Variants in SPOCK1 observed in about 807,000 individuals in gnomAD.
The protein encoded by SPOCK1 is SPARC (osteonectin), cwcv and kazal like domains proteoglycan 1, also known as testican-1.
A neutral mutation model predicts 55.3 loss-of-function variants in SPOCK1; 23 were observed. The ratio of observed to expected loss-of-function variants is 0.42; its 90% CI spans 0.30 to 0.59. The LOEUF is 0.59. SPOCK1 is among the 20% of genes least tolerant of loss of function. The probability of loss-of-function intolerance (pLI) is 0.22; values close to 1 mark genes in which losing one functional copy is unlikely to be tolerated. For synonymous variants in SPOCK1, 226 were observed against 221.0 expected (o/e 1.02, Z -0.20); for missense variants, 499 against 552.5 (o/e 0.90, Z 0.97).
chr5:137,350,552 G>A lies in SPOCK1; in HGVS notation c.187-83497C>T, dbSNP rs1334206025. Among the ~76,000 whole-genome samples the A allele has an allele frequency of 2.0e-5, 3 of 152,108 alleles. No homozygotes were observed. The South Asian group carries it at 6.2e-4, about 32-fold the overall frequency. ...ATGTCTGGCACCTGTAGGAGTGAGT[G>A]CAGGGGAAATGTCTAGAAGGCTGGA... On this transcript the variant is annotated intron_variant, in intron 2 of 10. Coordinates refer to ENST00000394945, the MANE Select transcript of SPOCK1 (RefSeq NM_004598.4).
At chr5:137,120,583 G>A (rs1753666880) in intron 4 of SPOCK1, among the ~76,000 whole-genome samples, 1 of 152,122 alleles carries the variant, frequency 6.6e-6, no homozygotes, top group African/African-American at 2.4e-5. Flanking sequence ...TGCATGAGTA[G>A]GTGCAAATAA....
intron 2 of SPOCK1, among the ~76,000 whole-genome samples, chr5:137,470,317 A>G (rs547849138): frequency 1.3e-5 from 2 of 152,340 alleles, no homozygotes; most frequent in Admixed American, 6.5e-5. Flanking sequence ...TTTAAAGAGA[A>G]ATGCAAGGTA....
chr5:137,440,010 T>G (rs954738922), intron 2 of SPOCK1, among the ~76,000 whole-genome samples: 4 of 152,000 alleles, frequency 2.6e-5, no homozygotes, highest in African/African-American at 7.3e-5. Flanking sequence ...AGGAAAGCCT[T>G]TCACGGGAAA....
chr5:137,409,477 C>G (rs987569818), intron 2 of SPOCK1, among the ~76,000 whole-genome samples: 2 of 152,314 alleles, frequency 1.3e-5, no homozygotes, highest in Admixed American at 1.3e-4. Flanking sequence ...TAGAGTCAGA[C>G]AGCCTGGGCT....
intron 3 of SPOCK1, among the ~76,000 whole-genome samples, chr5:137,186,382 A>T (rs1755069994): frequency 6.6e-6 from 1 of 152,232 alleles, no homozygotes; most frequent in African/African-American, 2.4e-5. Flanking sequence ...AGACAGTGAC[A>T]TAAGGGCTAG....
chr5:137,190,820 A>G (rs2127069932), intron 3 of SPOCK1, among the ~76,000 whole-genome samples: 1 of 152,236 alleles, frequency 6.6e-6, no homozygotes, highest in East Asian at 1.9e-4. Flanking sequence ...CTTCCTTCCC[A>G]TTCCTCCAAG....
At chr5:137,079,279 A>T (rs940977214) in intron 5 of SPOCK1, among the ~76,000 whole-genome samples, 3 of 152,246 alleles carry the variant, frequency 2.0e-5, no homozygotes, top group Non-Finnish European at 4.4e-5. Flanking sequence ...AATCTAAAAA[A>T]GAGTATGTAC....
chr5:137,170,704 C>A (rs1754740404), intron 3 of SPOCK1, among the ~76,000 whole-genome samples: 1 of 152,018 alleles, frequency 6.6e-6, no homozygotes, highest in Non-Finnish European at 1.5e-5. Flanking sequence ...TCACCAGGAG[C>A]TAATTATGCT....
chr5:137,399,007 T>C (rs748646106), intron 2 of SPOCK1, among the ~76,000 whole-genome samples: 2 of 151,740 alleles, frequency 1.3e-5, no homozygotes, highest in Admixed American at 6.6e-5. Context: ...ACCATCTGTA[T>C]ACAAATGACA....
At chr5:137,395,663 T>A (rs574979808) in intron 2 of SPOCK1, among the ~76,000 whole-genome samples, 1 of 152,324 alleles carries the variant, frequency 6.6e-6, no homozygotes, top group East Asian at 1.9e-4. Context: ...AAGGCAGGGC[T>A]ATGGTGAGGT....
At chr5:137,157,617 T>A (rs749550235) in intron 3 of SPOCK1, among the ~76,000 whole-genome samples, 5 of 152,206 alleles carry the variant, frequency 3.3e-5, no homozygotes, top group African/African-American at 1.2e-4. Context: ...GGCTTCTACA[T>A]GGTTTCTCTC....
chr5:137,137,736 T>C lies in SPOCK1; in HGVS notation c.347+2844A>G, dbSNP rs188397427. 1.4e-3 allele frequency among the ~76,000 whole-genome samples: 212 copies of C among 152,350 alleles called. 1 individual carries two copies. Among genetic ancestry groups the C allele is most frequent in the African/African-American group, 5.0e-3 (208 of 41,580 alleles). On this transcript the variant is annotated intron_variant, in intron 4 of 10. Transcript: ENST00000394945. Reference sequence around the variant, plus strand: ...ACGCTAAACCTCAAAGGCTTCCTCTTGCAGAAACTGCAGACGCAGGTGCAA... The same window carrying C: ...ACGCTAAACCTCAAAGGCTTCCTCTCGCAGAAACTGCAGACGCAGGTGCAA...
At chr5:137,332,305 T>C (rs1487965715) in intron 2 of SPOCK1, among the ~76,000 whole-genome samples, 2 of 152,146 alleles carry the variant, frequency 1.3e-5, no homozygotes, top group African/African-American at 4.8e-5. Context: ...GCCCATTATT[T>C]AAGACTCCAG....
chr5:137,041,268 T>C (rs1249911972), intron 6 of SPOCK1, among the ~76,000 whole-genome samples: 4 of 152,190 alleles, frequency 2.6e-5, no homozygotes, highest in South Asian at 2.1e-4. Flanking sequence ...AATAATTAGA[T>C]ATTCAAATGC....
chr5:137,462,282 C>T lies in SPOCK1; in HGVS notation c.186+36091G>A, dbSNP rs558698119. Among the ~76,000 whole-genome samples the T allele has an allele frequency of 5.3e-5, 8 of 152,276 alleles. No individual in the cohort carries two copies. In the South Asian group the frequency reaches 1.7e-3, roughly 32 times the overall value. ...CTTGACAGCCAGGATCCAGAAAGAC[C>T]CCAAAGGCAGGAACCACATCTGCTT... is the stretch of plus-strand genomic sequence containing the variant. On this transcript the variant is annotated intron_variant, in intron 2 of 10. Transcript: ENST00000394945.
At chr5:137,133,445 T>G (rs1248803322) in intron 4 of SPOCK1, among the ~76,000 whole-genome samples, 1 of 152,194 alleles carries the variant, frequency 6.6e-6, no homozygotes, top group Non-Finnish European at 1.5e-5. Context: ...GTGCAATATC[T>G]GCCTCTCATT....
chr5:137,335,744 G>A (rs1410560058), intron 2 of SPOCK1, among the ~76,000 whole-genome samples: 2 of 152,180 alleles, frequency 1.3e-5, no homozygotes, highest in East Asian at 1.9e-4. Context: ...GAAAGCAAAC[G>A]TTAATTAACT....
intron 3 of SPOCK1, among the ~76,000 whole-genome samples, chr5:137,215,958 C>G (rs1024812243): frequency 1.4e-4 from 22 of 152,206 alleles, no homozygotes; most frequent in Admixed American, 1.1e-3. Flanking sequence ...TGTGGCAGAA[C>G]TGCGGTTCAA....
At chr5:136,999,751 TAAG>T (rs1283933564) in intron 6 of SPOCK1, among the ~76,000 whole-genome samples, 1 of 152,030 alleles carries the variant, frequency 6.6e-6, no homozygotes, top group Non-Finnish European at 1.5e-5. Flanking sequence ...TCTAATAGAG[TAAG>T]AAGTGGCGAG....
Sources: allele counts gnomAD v4.1 joint callset (sites outside exome capture counted in the v4.1 genomes callset), GRCh38; gene constraint gnomAD v4.1.1; transcripts MANE v1.5; gene names NCBI Gene and HGNC (gene_info 2026-07-23, HGNC 2026-07-21).